Variants in DERPC observed in about 807,000 individuals in gnomAD.
DERPC encodes the protein decreased expression in renal and prostate cancer protein.
Under a neutral mutation model 7.2 loss-of-function variants are expected in DERPC, and 1 was observed. The ratio of observed to expected loss-of-function variants is 0.14; its 90% CI spans 0.05 to 0.66. The LOEUF (loss-of-function observed/expected upper bound fraction) is 0.66. DERPC is among the 30% of genes least tolerant of loss of function. The pLI, the probability that DERPC is intolerant of heterozygous loss-of-function variation, is 0.84. For synonymous variants in DERPC, 185 were observed against 117.6 expected, an observed-to-expected ratio of 1.57 and a Z score of -3.71; for missense variants, 502 against 299.4, an observed-to-expected ratio of 1.68 and a Z score of -4.99.
intron 1 of DERPC, among the ~76,000 whole-genome samples, chr16:69,131,009 A>G (rs1332374817): frequency 6.6e-6 from 1 of 152,104 alleles, no homozygotes; most frequent in Non-Finnish European, 1.5e-5. Flanking sequence ...CCGAATACAG[A>G]TTATTTTTAT....
chr16:69,121,566 C>A, intron 1 of DERPC, 73 bp from the exon 2 acceptor site: 2 of 889,806 alleles, frequency 2.2e-6, no homozygotes, highest in South Asian at 3.4e-5. Context: ...CAACCTCCAC[C>A]TCCCGGGTTC....
Position 69,120,896 on chromosome 16 carries a change from A to T in DERPC, c.-221-247T>A. 1 of 787,302 alleles carries T rather than the reference A, an allele frequency of 1.3e-6. No homozygotes were observed. The highest frequency in any genetic ancestry group is 2.3e-6 in the Non-Finnish European group (1 of 437,608). 48.8% of individuals were successfully genotyped at this position (787,302 alleles called of 1,614,324 possible). On this transcript the variant is annotated intron_variant, in intron 2 of 2. Coordinates refer to ENST00000519520, the MANE Select transcript of DERPC (RefSeq NM_001002847.4). The surrounding 1 kb of genome is among the most constrained non-coding windows in gnomAD (Gnocchi z 4.0). ...TTCCCCAAAATTAAATTTCCCTGCT[A>T]CTGCAGAGGTAGGGGGAGAACAAGC...
At chr16:69,121,691 G>A (rs1961680879) in intron 1 of DERPC, among the ~76,000 whole-genome samples, 198 bp from the exon 2 acceptor site, 2 of 147,716 alleles carry the variant, frequency 1.4e-5, no homozygotes, top group South Asian at 2.1e-4. Context: ...TTTTTGAGAC[G>A]GAGTCTCACT....
At chr16:69,126,886 C>T (rs982172349) in intron 1 of DERPC, among the ~76,000 whole-genome samples, 7 of 152,150 alleles carry the variant, frequency 4.6e-5, no homozygotes, top group African/African-American at 1.7e-4. Flanking sequence ...TTCCTGAGTA[C>T]TCCCCTGAGG....
Position 69,121,429 on chromosome 16 carries a change from T to C in DERPC, c.-222+7A>G. On this transcript the variant is annotated splice_region_variant and intron_variant, in intron 2 of 2. Coordinates refer to ENST00000519520, the MANE Select transcript of DERPC (RefSeq NM_001002847.4). ...AGCCAAATTTTAAAATCTCAAAATG[T>C]ACTTACCTGGAAATAACAATTTGCA... 2 of 1,606,632 alleles carry C rather than the reference T, an allele frequency of 1.2e-6. No homozygotes were observed. Among genetic ancestry groups the C allele is most frequent in the South Asian group, 2.2e-5 (2 of 89,514 alleles).
intron 2 of DERPC, chr16:69,121,021 G>A (rs1210386105): frequency 5.7e-6 from 9 of 1,573,918 alleles, no homozygotes; most frequent in Non-Finnish European, 7.9e-6. Context: ...GCTTTCCTGA[G>A]GCATTAGGCA....
chr16:69,123,104 A>G (rs1337637294), intron 1 of DERPC, among the ~76,000 whole-genome samples: 1 of 151,974 alleles, frequency 6.6e-6, no homozygotes, highest in African/African-American at 2.4e-5. Flanking sequence ...TCTGCTGCCC[A>G]AGATGGAGTG....
rs1458495323 is a variant in DERPC at position 69,132,549 on chromosome 16, C to G, written c.-345G>C. 2.7e-6 allele frequency: 1 copy of G among 364,410 alleles called. No individual in the cohort carries two copies. Among genetic ancestry groups the G allele is most frequent in the East Asian group, 1.5e-4 (1 of 6,484 alleles). The allele number at this position is 364,410 out of a possible 1,614,324, so 22.6% of individuals were successfully genotyped here. On this transcript the variant is annotated 5_prime_UTR_variant, in exon 1 of 3. Transcript: ENST00000519520. Reference sequence around the variant, plus strand: ...GGGCGACAACCGAACCTCCCGCCGCCGTCGCCGCCGCCGCGAGCACTGCCT... The same window carrying G: ...GGGCGACAACCGAACCTCCCGCCGCGGTCGCCGCCGCCGCGAGCACTGCCT...
chr16:69,122,539 A>G (rs1211478888), intron 1 of DERPC, among the ~76,000 whole-genome samples: 1 of 130,746 alleles, frequency 7.6e-6, no homozygotes, highest in Admixed American at 7.7e-5. Flanking sequence ...TACCCAGCTA[A>G]TTTTTTTTTT....
intron 1 of DERPC, among the ~76,000 whole-genome samples, chr16:69,124,145 T>C (rs970141439): frequency 6.6e-6 from 1 of 151,908 alleles, no homozygotes; most frequent in Non-Finnish European, 1.5e-5. Context: ...TTTCATTTTA[T>C]ACAACAGCAG....
intron 1 of DERPC, among the ~76,000 whole-genome samples, chr16:69,126,615 T>C (rs1567592794): frequency 1.3e-5 from 2 of 152,206 alleles, no homozygotes; most frequent in South Asian, 2.1e-4. Flanking sequence ...CAGATGTATG[T>C]AGAAATGAAG....
At position 69,119,658 on chromosome 16, in the gene DERPC, C is replaced by A; in HGVS notation, c.771G>T (p.Leu257Phe). Residue 257 changes from leucine (L) to phenylalanine (F), a missense_variant, in exon 3 of 3, where the codon TTG becomes TTT. By Grantham distance (22) the Leu-to-Phe change is conservative. Transcript: ENST00000519520. ...TTAAGTTAAGACCAGATCCTGTGCCCAAGAGGCCACCTGCTCTGGCATCTA... is the reference window on the plus strand; with the variant it reads ...TTAAGTTAAGACCAGATCCTGTGCCAAAGAGGCCACCTGCTCTGGCATCTA... Reference protein sequence around the residue: ...PNLDARAGGLLGTGSGLNLRM... With the variant: ...PNLDARAGGLFGTGSGLNLRM... 1.5e-6 allele frequency: 1 copy of A among 675,808 alleles called. No individual in the cohort carries two copies. 41.9% of individuals were successfully genotyped at this position (675,808 alleles called of 1,614,324 possible).
chr16:69,122,327 C>A (rs1424515246), intron 1 of DERPC, among the ~76,000 whole-genome samples: 1 of 151,902 alleles, frequency 6.6e-6, no homozygotes, highest in African/African-American at 2.4e-5. Context: ...AGACCATACT[C>A]TTGCTCACTA....
intron 1 of DERPC, among the ~76,000 whole-genome samples, chr16:69,131,713 C>T (rs1309390478): frequency 6.6e-6 from 1 of 151,104 alleles, no homozygotes; most frequent in Non-Finnish European, 1.5e-5. Context: ...CTGGAGTGGT[C>T]TTCCAAACCG....
At chr16:69,121,922 G>A (rs1230210606) in intron 1 of DERPC, among the ~76,000 whole-genome samples, 1 of 152,086 alleles carries the variant, frequency 6.6e-6, no homozygotes, top group Non-Finnish European at 1.5e-5. Context: ...ACCCACCTTG[G>A]CCTCCCAAAG....
intron 1 of DERPC, among the ~76,000 whole-genome samples, chr16:69,130,154 C>T (rs1447708400): frequency 3.3e-5 from 5 of 152,178 alleles, no homozygotes; most frequent in Admixed American, 3.3e-4. Flanking sequence ...CAATGATCCT[C>T]ATAATCCTTC....
Position 69,118,939 on chromosome 16 carries a change from C to G in DERPC, c.1490G>C (p.Ser497Thr), listed in dbSNP as rs1279814152. 3 of 702,948 alleles carry G rather than the reference C, an allele frequency of 4.3e-6. No homozygotes were observed. The highest frequency in any genetic ancestry group is 7.8e-6 in the Non-Finnish European group (3 of 385,042). The allele number at this position is 702,948 out of a possible 1,614,324, so 43.5% of individuals were successfully genotyped here. A position where few individuals can be genotyped will look rare whatever the true frequency, so the allele number is the denominator to read the frequency against. Reference sequence around the variant, plus strand: ...AGCAGCTGGGTTTGTGCCAGGGAGGCTCCCCACTCTAGGAAATGGGACGAA... The same window carrying G: ...AGCAGCTGGGTTTGTGCCAGGGAGGGTCCCCACTCTAGGAAATGGGACGAA... ...KSFVPFPRVG[S>T]LPGTNPAAFP... The change falls in exon 3 of 3, where the codon AGC (serine) becomes ACC (threonine). Residue 497 changes from serine to threonine, a missense_variant. Physicochemically the swap from Ser to Thr is moderately conservative, Grantham distance 58. Coordinates refer to ENST00000519520, the MANE Select transcript of DERPC (RefSeq NM_001002847.4).
At chr16:69,126,129 G>A (rs1597117329) in intron 1 of DERPC, among the ~76,000 whole-genome samples, 1 of 152,190 alleles carries the variant, frequency 6.6e-6, no homozygotes, top group Non-Finnish European at 1.5e-5. Flanking sequence ...ATGGGTACAA[G>A]TGACAGTAAA....
chr16:69,121,440 A>C lies in DERPC; in HGVS notation c.-226T>G. ...AAAATCTCAAAATGTACTTACCTGGAAATAACAATTTGCACCATGAGCTTT... is the reference window on the plus strand; with the variant it reads ...AAAATCTCAAAATGTACTTACCTGGCAATAACAATTTGCACCATGAGCTTT... On this transcript the variant is annotated 5_prime_UTR_variant, in exon 2 of 3. Transcript: ENST00000519520. 1 of 1,607,706 alleles carries C rather than the reference A, an allele frequency of 6.2e-7. No individual in the cohort carries two copies. Among genetic ancestry groups the C allele is most frequent in the Non-Finnish European group, 8.5e-7 (1 of 1,178,236 alleles).
Sources: gnomAD v4.1 joint callset for allele counts (sites outside exome capture counted in the v4.1 genomes callset) on GRCh38, gnomAD v4.1.1 for gene constraint, Gnocchi (gnomAD v3.1) non-coding constraint, MANE v1.5 for transcripts, NCBI Gene and HGNC (gene_info 2026-07-23, HGNC 2026-07-21) for gene names.